Variants in UGGT1 observed in about 807,000 individuals in gnomAD.
The protein encoded by UGGT1 is UDP-glucose glycoprotein glucosyltransferase 1.
A neutral mutation model predicts 203.9 loss-of-function variants in UGGT1; 107 were observed. The ratio of observed to expected loss-of-function variants is 0.52; its 90% CI spans 0.45 to 0.62. The LOEUF (loss-of-function observed/expected upper bound fraction) is 0.62. UGGT1 is among the 20% of genes least tolerant of loss of function. The probability of loss-of-function intolerance (pLI) is 0.00; values close to 1 mark genes in which losing one functional copy is unlikely to be tolerated. For synonymous variants in UGGT1, 628 were observed against 653.5 expected, an observed-to-expected ratio of 0.96 and a Z score of 0.59; for missense variants, 1,673 against 1,867.2, an observed-to-expected ratio of 0.90 and a Z score of 1.92.
chr2:128,175,554 G>A (rs977305782), intron 31 of UGGT1, among the ~76,000 whole-genome samples: 33 of 152,292 alleles, frequency 2.2e-4, no homozygotes, highest in East Asian at 1.7e-3. Context: ...AATTAGCTCC[G>A]TAGCGACACA....
At chr2:128,143,967 T>A (rs1025467832) in intron 17 of UGGT1, among the ~76,000 whole-genome samples, 1 of 152,202 alleles carries the variant, frequency 6.6e-6, no homozygotes, top group Non-Finnish European at 1.5e-5. Context: ...CCTTTTGTTA[T>A]AGTGAAGCTA....
In UGGT1 at chr2:128,115,150, C is replaced by T. The variant is rs889647250; in HGVS notation, c.723C>T (p.Leu241=). 1 of 1,613,940 alleles carries T rather than the reference C, an allele frequency of 6.2e-7. No individual in the cohort carries two copies. The highest frequency in any genetic ancestry group is 8.5e-7 in the Non-Finnish European group (1 of 1,179,976). Residue 241 remains leucine (L), a synonymous_variant, in exon 7 of 41, where the codon CTC becomes CTT. Transcript: ENST00000259253. The stretch of plus-strand genomic sequence containing the variant: ...ATCCCAGGAAGGAGCCTGTTTACCT[C>T]TCTGGCTATGGCGTGGAATTGGCCA... ...IFNPRKEPVY[L]SGYGVELAIK... is the part of the protein sequence containing the mutation.
At chr2:128,184,829 G>A (rs1026611750) in intron 38 of UGGT1, among the ~76,000 whole-genome samples, 1 of 152,108 alleles carries the variant, frequency 6.6e-6, no homozygotes, top group Non-Finnish European at 1.5e-5. Context: ...TTACAGGCAC[G>A]CACCACCACT....
intron 10 of UGGT1, among the ~76,000 whole-genome samples, chr2:128,121,950 A>G (rs1456043224): frequency 6.6e-6 from 1 of 152,240 alleles, no homozygotes; most frequent in African/African-American, 2.4e-5. Context: ...TAACTAATCT[A>G]GAGTCTGTCC....
chr2:128,169,047 TTAAAAAAAAAAAAAAAAAAAA>T (rs1690948080), intron 26 of UGGT1, among the ~76,000 whole-genome samples: 1 of 55,894 alleles, frequency 1.8e-5, no homozygotes, highest in Non-Finnish European at 3.4e-5. Context: ...GACTCTGTCT[TTAAAAAAAAAAAAAAAAAAAA>T]AAAAAAAAAA....
chr2:128,131,399 G>A (rs921907877), intron 13 of UGGT1, among the ~76,000 whole-genome samples: 2 of 152,140 alleles, frequency 1.3e-5, no homozygotes, highest in African/African-American at 4.8e-5. Context: ...ATGCAGGAAT[G>A]CAATCATAGC....
In UGGT1 at chr2:128,186,744, G is replaced by C; in HGVS notation, c.4421G>C (p.Trp1474Ser). The C allele has an allele frequency of 6.2e-7, 1 of 1,613,666 alleles. No homozygotes were observed. Among genetic ancestry groups the C allele is most frequent in the Non-Finnish European group, 8.5e-7 (1 of 1,179,814 alleles). The part of the protein sequence containing the change: ...PIKSLPQEWL[W>S]CETWCDDASK... The stretch of plus-strand genomic sequence containing the variant: ...AAATCCCTCCCTCAAGAATGGCTTT[G>C]GTGTGAAACGTGGTGTGATGACGCC... Residue 1474 changes from tryptophan (W) to serine (S), a missense_variant, in exon 39 of 41, where the codon TGG becomes TCG. Physicochemically the swap from Trp to Ser is radical, Grantham distance 177. This residue lies in a region of UGGT1 where 513 missense variants were observed against 684.1 expected (regional missense o/e 0.75). Transcript: ENST00000259253.
At chr2:128,145,741 T>C (rs1330977596) in intron 17 of UGGT1, 62 bp from the exon 18 acceptor site, 1 of 1,410,958 alleles carries the variant, frequency 7.1e-7, no homozygotes, top group Non-Finnish European at 9.4e-7. Flanking sequence ...AAAAATATGC[T>C]GTGTTCCATT....
At chr2:128,137,131 T>C (rs1194495367) in intron 15 of UGGT1, among the ~76,000 whole-genome samples, 1 of 152,242 alleles carries the variant, frequency 6.6e-6, no homozygotes, top group East Asian at 1.9e-4. Context: ...AAGAGTTCTT[T>C]GTAAGCCAGG....
intron 15 of UGGT1, 106 bp downstream of exon 15, chr2:128,135,067 C>A: frequency 2.1e-6 from 2 of 931,384 alleles, no homozygotes; most frequent in Non-Finnish European, 3.3e-6. Context: ...ATTAATAGTG[C>A]ACATCACTAA....
chr2:128,138,765 G>A lies in UGGT1; in HGVS notation c.1632G>A (p.Met544Ile). ...ATGACTCTGAAGATGTTGATGGGAT[G>A]CAAGATGCTGGAGTGGCTGTTCTTA... Reference protein sequence around the residue: ...VVNDSEDVDGMQDAGVAVLRA... With the variant: ...VVNDSEDVDGIQDAGVAVLRA... The change falls in exon 16 of 41, where the codon ATG (methionine) becomes ATA (isoleucine). Residue 544 changes from methionine to isoleucine, a missense_variant. By Grantham distance (10) the Met-to-Ile change is conservative. Transcript: ENST00000259253. The A allele has an allele frequency of 1.9e-6, 3 of 1,614,154 alleles. No individual in the cohort carries two copies. The highest frequency in any genetic ancestry group is 2.5e-6 in the Non-Finnish European group (3 of 1,180,016).
At chr2:128,162,440 CA>C (rs34070987) in intron 25 of UGGT1, among the ~76,000 whole-genome samples, 63,948 of 147,040 alleles carry the variant, frequency 0.43, 13,694 homozygotes, top group South Asian at 0.58. Context: ...ACTGTGTCTC[CA>C]AAAAAAAAAA....
chr2:128,145,939 C>G lies in UGGT1; in HGVS notation c.1988C>G (p.Thr663Ser). 12 of 1,614,048 alleles carry G rather than the reference C, an allele frequency of 7.4e-6. No homozygotes were observed. The highest frequency in any genetic ancestry group is 1.0e-5 in the Non-Finnish European group (12 of 1,180,006). ...ACAATGCATAAAATCCTGGAGACCA[C>G]CACCTTCTTCCAAAGAGCGGTGTAC... The part of the protein sequence containing the change: ...TITMHKILET[T>S]TFFQRAVYLG... The change falls in exon 18 of 41, where the codon ACC becomes AGC. Residue 663 changes from threonine to serine, a missense_variant. Around this residue, in one of 4 missense-constraint regions of UGGT1, gnomAD observed 1,073 missense variants for 1,078.7 expected, o/e 0.99. Coordinates refer to ENST00000259253, the MANE Select transcript of UGGT1 (RefSeq NM_020120.4).
rs551233464 is a variant in UGGT1 at position 128,172,190 on chromosome 2, C to T, written c.3105-383C>T. Among the ~76,000 whole-genome samples, 16 of 152,296 alleles carry T rather than the reference C, an allele frequency of 1.1e-4. No individual in the cohort carries two copies. In the South Asian group the frequency reaches 1.9e-3, roughly 18 times the overall value. On this transcript the variant is annotated intron_variant, in intron 28 of 40. Coordinates refer to ENST00000259253, the MANE Select transcript of UGGT1 (RefSeq NM_020120.4). ...TTGAAGGGAGGAAAATGCCCAGGAC[C>T]TAACTGTGACCCTGACAGCCATCCA...
At chr2:128,136,481 G>T (rs568387323) in intron 15 of UGGT1, among the ~76,000 whole-genome samples, 1 of 152,250 alleles carries the variant, frequency 6.6e-6, no homozygotes, top group South Asian at 2.1e-4. Flanking sequence ...TATTCAGATT[G>T]GTGTCTTTCA....
At chr2:128,104,338 T>G (rs1687509335) in intron 3 of UGGT1, among the ~76,000 whole-genome samples, 1 of 152,260 alleles carries the variant, frequency 6.6e-6, no homozygotes, top group African/African-American at 2.4e-5. Flanking sequence ...CCATCTAATC[T>G]GATTCACTAT....
At chr2:128,132,319 G>C (rs1688918372) in intron 13 of UGGT1, among the ~76,000 whole-genome samples, 1 of 151,902 alleles carries the variant, frequency 6.6e-6, no homozygotes, top group Non-Finnish European at 1.5e-5. Flanking sequence ...AGGCCGAGGT[G>C]GGCGGATCAC....
chr2:128,187,428 T>A (rs1370748586), intron 39 of UGGT1, 21 bp from the exon 40 acceptor site: 1 of 1,608,726 alleles, frequency 6.2e-7, no homozygotes, highest in South Asian at 1.1e-5. Context: ...TCAGCTGAAG[T>A]GTGTTCTTTT....
intron 1 of UGGT1, among the ~76,000 whole-genome samples, chr2:128,096,097 ACTGTCTGGATG>A (rs1553430439): frequency 3.3e-5 from 5 of 152,156 alleles, no homozygotes; most frequent in Non-Finnish European, 7.4e-5. Context: ...TTTTTCTGAA[ACTGTCTGGATG>A]CTGTCTGAGA....
Sources: gnomAD v4.1 joint callset for allele counts (sites outside exome capture counted in the v4.1 genomes callset) on GRCh38, gnomAD v4.1.1 for gene constraint, gnomAD v4.1.1 regional missense constraint, MANE v1.5 for transcripts, NCBI Gene and HGNC (gene_info 2026-07-23, HGNC 2026-07-21) for gene names.